The following EXOC6B variants were observed in gnomAD, a reference collection of about 807,000 sequenced individuals.
The protein encoded by EXOC6B is exocyst complex component 6B.
In EXOC6B, 54 loss-of-function variants were observed where a neutral mutation model predicts 113.5. The observed-to-expected ratio is 0.48, with a 90% CI of 0.38 to 0.60. EXOC6B has a LOEUF of 0.60. Ranked by LOEUF, EXOC6B falls within the 20% of genes least tolerant of loss-of-function variation. The pLI is 0.00. For missense variants in EXOC6B, 797 were observed against 977.5 expected (o/e 0.82, Z 2.46); for synonymous variants, 357 against 339.0 (o/e 1.05, Z -0.58).
At chr2:72,522,848 C>A (rs1701564862) in intron 8 of EXOC6B, among the ~76,000 whole-genome samples, 1 of 152,178 alleles carries the variant, frequency 6.6e-6, no homozygotes, top group Admixed American at 6.5e-5. Flanking sequence ...TTTCATTGAA[C>A]TTTGCATACA....
intron 20 of EXOC6B, among the ~76,000 whole-genome samples, chr2:72,246,818 T>C (rs953881891): frequency 1.3e-5 from 2 of 152,170 alleles, no homozygotes; most frequent in African/African-American, 4.8e-5. Flanking sequence ...ATCCTATCTA[T>C]GGAGACAGAG....
intron 10 of EXOC6B, among the ~76,000 whole-genome samples, chr2:72,514,341 C>A (rs561049736): frequency 6.6e-6 from 1 of 151,782 alleles, no homozygotes; most frequent in African/African-American, 2.4e-5. Flanking sequence ...AACAAAGAAA[C>A]AAAACATCAA....
chr2:72,434,908 A>G (rs1213747100), intron 18 of EXOC6B, among the ~76,000 whole-genome samples: 1 of 151,886 alleles, frequency 6.6e-6, no homozygotes, highest in Non-Finnish European at 1.5e-5. Context: ...TATCTCCTTC[A>G]GTTCTGCTCT....
At chr2:72,476,514 C>T (rs757971954) in intron 17 of EXOC6B, among the ~76,000 whole-genome samples, 13 of 152,158 alleles carry the variant, frequency 8.5e-5, no homozygotes, top group Non-Finnish European at 1.6e-4. Flanking sequence ...CCCTATAGGT[C>T]CTCAAATTTA....
chr2:72,489,039 T>C (rs1699591199), intron 16 of EXOC6B, among the ~76,000 whole-genome samples: 3 of 152,146 alleles, frequency 2.0e-5, no homozygotes, highest in Admixed American at 2.0e-4. Context: ...CTTTCCTACC[T>C]TCAGGCCTTT....
chr2:72,199,364 A>G (rs998033770), intron 20 of EXOC6B, among the ~76,000 whole-genome samples: 1 of 152,208 alleles, frequency 6.6e-6, no homozygotes, highest in African/African-American at 2.4e-5. Context: ...CAAGTCTAAG[A>G]AGCAAAACTT....
chr2:72,450,645 G>A (rs1411427843), intron 18 of EXOC6B, among the ~76,000 whole-genome samples: 1 of 152,128 alleles, frequency 6.6e-6, no homozygotes, highest in Non-Finnish European at 1.5e-5. Flanking sequence ...GGAATTCACT[G>A]AATCATGCAG....
chr2:72,779,269 T>C (rs1373396972), intron 1 of EXOC6B, among the ~76,000 whole-genome samples: 1 of 151,718 alleles, frequency 6.6e-6, no homozygotes, highest in East Asian at 1.9e-4. Context: ...ACTCATCCAT[T>C]TCTCTATCTG....
chr2:72,527,290 G>A (rs866557986), intron 8 of EXOC6B, among the ~76,000 whole-genome samples: 21 of 151,882 alleles, frequency 1.4e-4, no homozygotes, highest in African/African-American at 3.9e-4. Flanking sequence ...TTAGGAGTAC[G>A]GAAAGGAGTA....
chr2:72,327,569 T>A (rs144853201), intron 20 of EXOC6B, among the ~76,000 whole-genome samples: 314 of 152,210 alleles, frequency 2.1e-3, no homozygotes, highest in Admixed American at 4.1e-3. Flanking sequence ...ATTTTGGTCT[T>A]TTCCTGGTAC....
At chr2:72,395,808 T>G (rs926557715) in intron 18 of EXOC6B, among the ~76,000 whole-genome samples, 1 of 152,110 alleles carries the variant, frequency 6.6e-6, no homozygotes, top group Non-Finnish European at 1.5e-5. Context: ...GTCACCAACC[T>G]AATAGAGACT....
At chr2:72,617,887 C>CA (rs372597646) in intron 6 of EXOC6B, among the ~76,000 whole-genome samples, 2 of 151,900 alleles carry the variant, frequency 1.3e-5, no homozygotes, top group African/African-American at 2.4e-5. Flanking sequence ...AGGAATAATA[C>CA]AAAAAAACAA....
intron 3 of EXOC6B, 85 bp downstream of exon 3, chr2:72,732,986 C>T: frequency 1.1e-6 from 1 of 936,974 alleles, no homozygotes. Context: ...TACTTACAGT[C>T]TTAACCACTA....
intron 1 of EXOC6B, among the ~76,000 whole-genome samples, chr2:72,782,362 G>A (rs1448717435): frequency 6.6e-6 from 1 of 151,958 alleles, no homozygotes; most frequent in Non-Finnish European, 1.5e-5. Flanking sequence ...TTTTGGCTTA[G>A]ATTTACCTTT....
At chr2:72,360,833 C>T (rs1432915910) in intron 19 of EXOC6B, among the ~76,000 whole-genome samples, 3 of 150,714 alleles carry the variant, frequency 2.0e-5, no homozygotes, top group African/African-American at 4.9e-5. Flanking sequence ...AATCATGGAA[C>T]CTCAGGAGAA....
At chr2:72,781,807 GA>G in intron 1 of EXOC6B, among the ~76,000 whole-genome samples, 1 of 151,990 alleles carries the variant, frequency 6.6e-6, no homozygotes, top group Admixed American at 6.6e-5. Flanking sequence ...AAGGAGAAAG[GA>G]CATGCAATCA....
chr2:72,793,284 C>A (rs540414517), intron 1 of EXOC6B, among the ~76,000 whole-genome samples: 1 of 152,288 alleles, frequency 6.6e-6, no homozygotes, highest in South Asian at 2.1e-4. Context: ...GTTAAGTGTG[C>A]ATATTGTGTT....
chr2:72,638,185 C>T (rs181354370), intron 6 of EXOC6B, among the ~76,000 whole-genome samples: 5 of 152,110 alleles, frequency 3.3e-5, no homozygotes, highest in East Asian at 1.9e-4. Flanking sequence ...ACAACCATTA[C>T]GGCAGAAATT....
At chr2:72,486,508 C>T (rs1020871451) in intron 16 of EXOC6B, among the ~76,000 whole-genome samples, 5 of 152,066 alleles carry the variant, frequency 3.3e-5, no homozygotes, top group Non-Finnish European at 5.9e-5. Flanking sequence ...TTACACACTC[C>T]TAGAGGACTT....
Sources: allele counts gnomAD v4.1 joint callset (sites outside exome capture counted in the v4.1 genomes callset), GRCh38; gene constraint gnomAD v4.1.1; transcripts MANE v1.5; gene names NCBI Gene and HGNC (gene_info 2026-07-23, HGNC 2026-07-21).